ANXA8: variants seen among roughly 807,000 people sequenced by gnomAD.
The protein encoded by ANXA8 is VAC-beta.
ANXA8 carries 9 observed loss-of-function variants against 26.8 expected under a neutral mutation model. That is an observed-to-expected ratio of 0.34 (90% CI 0.20 to 0.59). The LOEUF (loss-of-function observed/expected upper bound fraction) is 0.59. ANXA8 is among the 20% of genes least tolerant of loss of function. The probability of loss-of-function intolerance (pLI) is 0.84; values close to 1 mark genes in which losing one functional copy is unlikely to be tolerated. For missense variants in ANXA8, 83 were observed against 238.5 expected (o/e 0.35, Z 4.29); for synonymous variants, 39 against 94.8 (o/e 0.41, Z 3.42).
chr10:47,628,185 A>T, the ANXA8 span, among the ~76,000 whole-genome samples: 1 of 151,060 alleles, frequency 6.6e-6, no homozygotes, highest in African/African-American at 2.4e-5. Flanking sequence ...ACAGAAGTAC[A>T]ATTTTAATAA....
At chr10:47,970,989 C>T in the ANXA8 span, among the ~76,000 whole-genome samples, 1 of 151,382 alleles carries the variant, frequency 6.6e-6, no homozygotes, top group African/African-American at 2.4e-5. Flanking sequence ...GGAAAGACAT[C>T]TGGGAGGCCA....
At chr10:47,620,421 A>AT in the ANXA8 span, among the ~76,000 whole-genome samples, 5 of 78,326 alleles carry the variant, frequency 6.4e-5, no homozygotes, top group Non-Finnish European at 1.1e-4. Context: ...TAATAAATAC[A>AT]TTTTTTTAAT....
chr10:47,699,673 G>T, the ANXA8 span, among the ~76,000 whole-genome samples: 1 of 151,510 alleles, frequency 6.6e-6, no homozygotes, highest in East Asian at 1.9e-4. Context: ...AAAAGAAAAA[G>T]AAAAAAATGC....
the ANXA8 span, among the ~76,000 whole-genome samples, chr10:47,585,263 C>CAAAAAAAAAAAA: frequency 2.0e-3 from 89 of 43,616 alleles, no homozygotes; most frequent in East Asian, 6.1e-3. Flanking sequence ...GACTCCATCT[C>CAAAAAAAAAAAA]AAAAAAAAAA....
chr10:47,656,106 A>G, the ANXA8 span, among the ~76,000 whole-genome samples: 1 of 149,414 alleles, frequency 6.7e-6, no homozygotes, highest in Non-Finnish European at 1.5e-5. Context: ...AGTTTTTAAA[A>G]ACGTTTTAGG....
the ANXA8 span, among the ~76,000 whole-genome samples, chr10:47,496,972 A>ATT: frequency 2.1e-5 from 3 of 145,062 alleles, no homozygotes; most frequent in Admixed American, 6.9e-5. Context: ...AGGGGGAAAG[A>ATT]TCTTAGGAGA....
At chr10:47,670,777 GATAC>G in the ANXA8 span, among the ~76,000 whole-genome samples, 361 of 151,218 alleles carry the variant, frequency 2.4e-3, no homozygotes, top group African/African-American at 8.3e-3. Flanking sequence ...TTCAAATTTA[GATAC>G]ATGATTTTCA....
chr10:47,720,612 A>G, the ANXA8 span, among the ~76,000 whole-genome samples: 74 of 143,006 alleles, frequency 5.2e-4, 1 homozygote, highest in Non-Finnish European at 1.7e-4. Context: ...TATAAATTAC[A>G]TGTGTTTACA....
At chr10:47,521,906 G>A in the ANXA8 span, among the ~76,000 whole-genome samples, 1 of 149,934 alleles carries the variant, frequency 6.7e-6, no homozygotes, top group African/African-American at 2.5e-5. Flanking sequence ...TCAGCCTTGT[G>A]AGTAGCTGGA....
chr10:47,505,529 G>C, the ANXA8 span, among the ~76,000 whole-genome samples: 1 of 136,656 alleles, frequency 7.3e-6, no homozygotes, highest in African/African-American at 2.7e-5. Context: ...ATTTAACTGT[G>C]AACTGAAAAA....
At chr10:47,670,724 A>G in the ANXA8 span, among the ~76,000 whole-genome samples, 1 of 151,622 alleles carries the variant, frequency 6.6e-6, no homozygotes, top group South Asian at 2.1e-4. Context: ...TGTGTTGTAG[A>G]GTTGTAAGAG....
At chr10:47,754,963 C>CT in the ANXA8 span, among the ~76,000 whole-genome samples, 47 of 74,960 alleles carry the variant, frequency 6.3e-4, no homozygotes, top group African/African-American at 2.3e-3. Flanking sequence ...CTTTTCTTTT[C>CT]TTTTTTTTTT....
chr10:47,558,759 C>T, the ANXA8 span, among the ~76,000 whole-genome samples: 1 of 151,828 alleles, frequency 6.6e-6, no homozygotes, highest in African/African-American at 2.4e-5. Flanking sequence ...TTCCTTCCTC[C>T]CCCTAGTTTC....
the ANXA8 span, among the ~76,000 whole-genome samples, chr10:47,561,069 AT>A: frequency 4.0e-4 from 60 of 151,730 alleles, 1 homozygote; most frequent in East Asian, 9.9e-3. Context: ...AAGCCTTTCA[AT>A]TTTTTTATTT....
At chr10:47,681,704 TA>T in the ANXA8 span, among the ~76,000 whole-genome samples, 2 of 119,802 alleles carry the variant, frequency 1.7e-5, no homozygotes, top group African/African-American at 6.5e-5. Context: ...GCAATTTTTT[TA>T]AAAAATTTTT....
At chr10:47,578,291 G>A in the ANXA8 span, among the ~76,000 whole-genome samples, 4 of 47,146 alleles carry the variant, frequency 8.5e-5, 2 homozygotes, top group East Asian at 5.4e-4. Flanking sequence ...ACTGCAGCCT[G>A]GGCAACAGAG....
At chr10:47,762,022 G>A in the ANXA8 span, among the ~76,000 whole-genome samples, 1 of 135,186 alleles carries the variant, frequency 7.4e-6, no homozygotes, top group Non-Finnish European at 1.6e-5. Context: ...AGGCCAGGAG[G>A]GGAGCTGGGG....
At chr10:47,949,609 T>C in the ANXA8 span, among the ~76,000 whole-genome samples, 1 of 150,758 alleles carries the variant, frequency 6.6e-6, no homozygotes. Context: ...AAATATGTAA[T>C]GATAGCATGA....
At chr10:47,672,553 C>T in the ANXA8 span, among the ~76,000 whole-genome samples, 7 of 151,506 alleles carry the variant, frequency 4.6e-5, no homozygotes, top group Admixed American at 2.0e-4. Flanking sequence ...ATAGCTGGGG[C>T]TATACTGACA....
Sources: allele counts gnomAD v4.1 joint callset (sites outside exome capture counted in the v4.1 genomes callset), GRCh38; gene constraint gnomAD v4.1.1; transcripts MANE v1.5; gene names NCBI Gene and HGNC (gene_info 2026-07-23, HGNC 2026-07-21).